The following PRKG1 variants were observed in gnomAD, a reference collection of about 807,000 sequenced individuals.
PRKG1 encodes cGMP-dependent protein kinase 1.
In PRKG1, 35 loss-of-function variants were observed where a neutral mutation model predicts 88.1. The ratio of observed to expected loss-of-function variants is 0.40; its 90% CI spans 0.30 to 0.53. The LOEUF (loss-of-function observed/expected upper bound fraction) is 0.53. Ranked by LOEUF, PRKG1 falls within the 20% of genes least tolerant of loss-of-function variation. The probability of loss-of-function intolerance (pLI) is 0.59; values close to 1 mark genes in which losing one functional copy is unlikely to be tolerated. For missense variants in PRKG1, 540 were observed against 839.8 expected (o/e 0.64, Z 4.41); for synonymous variants, 303 against 292.5 (o/e 1.04, Z -0.37).
At chr10:51,310,153 G>T (rs1233760769) in intron 2 of PRKG1, among the ~76,000 whole-genome samples, 1 of 152,116 alleles carries the variant, frequency 6.6e-6, no homozygotes, top group Non-Finnish European at 1.5e-5. Context: ...AATGTACATT[G>T]TTCAGGTGAT....
At chr10:51,212,991 T>C (rs929116054) in intron 2 of PRKG1, among the ~76,000 whole-genome samples, 3 of 152,190 alleles carry the variant, frequency 2.0e-5, no homozygotes, top group Non-Finnish European at 2.9e-5. Context: ...TTATAAATCA[T>C]GCTGCTATAA....
intron 2 of PRKG1, among the ~76,000 whole-genome samples, chr10:51,207,530 G>A (rs1838094165): frequency 6.6e-6 from 1 of 151,842 alleles, no homozygotes; most frequent in Non-Finnish European, 1.5e-5. Flanking sequence ...TCTCGGGCTT[G>A]TGGAGTTGGT....
intron 6 of PRKG1, among the ~76,000 whole-genome samples, chr10:52,056,432 T>G (rs184528830): frequency 2.4e-4 from 37 of 152,334 alleles, no homozygotes; most frequent in Non-Finnish European, 5.1e-4. Context: ...ACCCTGTTAG[T>G]GCAAATTTTA....
At chr10:52,009,153 T>C (rs11000438) in intron 5 of PRKG1, among the ~76,000 whole-genome samples, 38,529 of 151,964 alleles carry the variant, frequency 0.25, 5,256 homozygotes, top group Admixed American at 0.32. Flanking sequence ...TTCAATATAG[T>C]ATTGGAAGTC....
intron 9 of PRKG1, among the ~76,000 whole-genome samples, chr10:52,199,201 G>A (rs887547526): frequency 3.3e-5 from 5 of 151,982 alleles, no homozygotes; most frequent in Admixed American, 6.6e-5. Flanking sequence ...TTCTAACCCT[G>A]ACATTTTGAC....
intron 4 of PRKG1, among the ~76,000 whole-genome samples, chr10:51,904,793 T>A: frequency 6.6e-6 from 1 of 152,164 alleles, no homozygotes; most frequent in African/African-American, 2.4e-5. Flanking sequence ...TTGTGAAAGA[T>A]GATATATTTA....
At chr10:51,792,271 G>A (rs768051202) in intron 3 of PRKG1, among the ~76,000 whole-genome samples, 10 of 152,038 alleles carry the variant, frequency 6.6e-5, no homozygotes, top group South Asian at 4.2e-4. Context: ...TCTTGATCCC[G>A]TGTTTATAAC....
At chr10:51,680,741 G>A (rs1279947019) in intron 3 of PRKG1, among the ~76,000 whole-genome samples, 1 of 152,184 alleles carries the variant, frequency 6.6e-6, no homozygotes, top group Non-Finnish European at 1.5e-5. Flanking sequence ...AGACGGTCTA[G>A]CCTTCTTCAG....
intron 2 of PRKG1, among the ~76,000 whole-genome samples, chr10:51,287,252 G>A (rs1168547992): frequency 6.6e-6 from 1 of 152,062 alleles, no homozygotes; most frequent in Non-Finnish European, 1.5e-5. Flanking sequence ...CATTTGCTCA[G>A]GTTTGTAGAG....
At chr10:51,118,207 T>C (rs1230686221) in intron 1 of PRKG1, among the ~76,000 whole-genome samples, 1 of 152,162 alleles carries the variant, frequency 6.6e-6, no homozygotes, top group Non-Finnish European at 1.5e-5. Flanking sequence ...CCAAAGGCCA[T>C]TTAAAAGTTG....
chr10:52,199,605 A>AG, intron 9 of PRKG1, among the ~76,000 whole-genome samples: 1 of 152,286 alleles, frequency 6.6e-6, no homozygotes, highest in Admixed American at 6.5e-5. Context: ...TAAGAGGTTC[A>AG]GCTTTGCCGG....
At chr10:51,299,259 G>T (rs1393197444) in intron 2 of PRKG1, among the ~76,000 whole-genome samples, 2 of 133,138 alleles carry the variant, frequency 1.5e-5, no homozygotes, top group Non-Finnish European at 2.9e-5. Flanking sequence ...AGGCTAGAGT[G>T]CAGTGGTACG....
intron 5 of PRKG1, among the ~76,000 whole-genome samples, chr10:51,919,371 C>T (rs10823896): frequency 0.22 from 33,555 of 152,002 alleles, 4,101 homozygotes; most frequent in African/African-American, 0.25. Flanking sequence ...TCATGTTCTA[C>T]GTGTTCCCTT....
chr10:51,178,118 A>G (rs894903930), intron 2 of PRKG1, among the ~76,000 whole-genome samples: 1 of 152,088 alleles, frequency 6.6e-6, no homozygotes, highest in Non-Finnish European at 1.5e-5. Flanking sequence ...TCTGTCTGCT[A>G]CACATTCACA....
chr10:51,726,368 T>A (rs7079048), intron 3 of PRKG1, among the ~76,000 whole-genome samples: 3,544 of 152,328 alleles, frequency 0.023, 144 homozygotes, highest in African/African-American at 0.08. Flanking sequence ...GTTGACTTTG[T>A]GTAAGCATTG....
intron 4 of PRKG1, among the ~76,000 whole-genome samples, chr10:51,862,342 G>A (rs1022923872): frequency 6.6e-6 from 1 of 152,076 alleles, no homozygotes; most frequent in Non-Finnish European, 1.5e-5. Flanking sequence ...TGGGAGGGAG[G>A]GTTACAGTGT....
intron 5 of PRKG1, among the ~76,000 whole-genome samples, chr10:51,992,856 A>C (rs1359756075): frequency 2.0e-5 from 3 of 152,178 alleles, no homozygotes; most frequent in Admixed American, 6.6e-5. Context: ...ATCCAGTGTC[A>C]GTTTGAATCA....
At chr10:51,938,665 G>A (rs1445439343) in intron 5 of PRKG1, among the ~76,000 whole-genome samples, 2 of 151,720 alleles carry the variant, frequency 1.3e-5, no homozygotes, top group Non-Finnish European at 2.9e-5. Flanking sequence ...ACCTGCACAT[G>A]TGATGTCCTC....
intron 5 of PRKG1, among the ~76,000 whole-genome samples, chr10:52,011,688 G>C (rs1844883036): frequency 6.6e-6 from 1 of 152,158 alleles, no homozygotes; most frequent in Admixed American, 6.6e-5. Flanking sequence ...CTGGTTGACA[G>C]AGCAGATTTT....
Sources: allele counts gnomAD v4.1 joint callset (sites outside exome capture counted in the v4.1 genomes callset), GRCh38; gene constraint gnomAD v4.1.1; transcripts MANE v1.5; gene names NCBI Gene and HGNC (gene_info 2026-07-23, HGNC 2026-07-21).